The following RBPJ variants were observed in gnomAD, a reference collection of about 807,000 sequenced individuals.
The protein encoded by RBPJ is recombining binding protein suppressor of hairless.
RBPJ carries 9 observed loss-of-function variants against 67.8 expected under a neutral mutation model. That is an observed-to-expected ratio of 0.13 (90% CI 0.08 to 0.23). The LOEUF (loss-of-function observed/expected upper bound fraction) is 0.23, where lower values mean the gene tolerates loss of function less well. RBPJ is among the 10% of genes least tolerant of loss of function. The probability of loss-of-function intolerance (pLI) is 1.00; values close to 1 mark genes in which losing one functional copy is unlikely to be tolerated. For missense variants in RBPJ, 305 were observed against 595.6 expected (o/e 0.51, Z 5.08); for synonymous variants, 198 against 203.3 (o/e 0.97, Z 0.22).
chr4:26,310,842 A>C (rs1216970726), intron 1 of RBPJ, among the ~76,000 whole-genome samples: 1 of 151,598 alleles, frequency 6.6e-6, no homozygotes, highest in African/African-American at 2.4e-5. Context: ...GCTAATTTTT[A>C]TATTTTTAGT....
intron 1 of RBPJ, among the ~76,000 whole-genome samples, chr4:26,330,719 A>G (rs1019870373): frequency 2.6e-5 from 4 of 152,178 alleles, no homozygotes; most frequent in Non-Finnish European, 5.9e-5. Flanking sequence ...TTTTGTTGTT[A>G]TGACTGCGTA....
At chr4:26,153,819 G>A in the RBPJ span, among the ~76,000 whole-genome samples, 2 of 152,114 alleles carry the variant, frequency 1.3e-5, no homozygotes, top group Admixed American at 1.3e-4. Context: ...GTCAGGTGTG[G>A]AATTTTCCAC....
chr4:26,195,913 C>G (rs1717744557), intron 1 of RBPJ, among the ~76,000 whole-genome samples: 1 of 151,998 alleles, frequency 6.6e-6, no homozygotes, highest in South Asian at 2.1e-4. Flanking sequence ...GTATTTTGAC[C>G]CACATGACTT....
At chr4:26,411,879 G>A (rs996202203) in intron 3 of RBPJ, among the ~76,000 whole-genome samples, 7 of 151,482 alleles carry the variant, frequency 4.6e-5, no homozygotes, top group East Asian at 1.9e-4. Context: ...AGGCCGAGGC[G>A]GGCGGATCAC....
intron 1 of RBPJ, among the ~76,000 whole-genome samples, chr4:26,379,246 C>T (rs1236950282): frequency 6.6e-6 from 1 of 151,708 alleles, no homozygotes; most frequent in Non-Finnish European, 1.5e-5. Context: ...GTGGTGGGAT[C>T]ATAGCTCACT....
chr4:26,348,419 C>G (rs1163254614), intron 1 of RBPJ, among the ~76,000 whole-genome samples: 1 of 152,134 alleles, frequency 6.6e-6, no homozygotes, highest in Admixed American at 6.5e-5. Flanking sequence ...TATTACTTGT[C>G]TTTGGGATCT....
intron 1 of RBPJ, among the ~76,000 whole-genome samples, chr4:26,255,372 C>G (rs1173699799): frequency 1.9e-5 from 2 of 107,822 alleles, no homozygotes; most frequent in South Asian, 3.2e-4. Context: ...CCACCGCACT[C>G]CAGCCTGGGC....
chr4:26,404,489 C>CT (rs1281845107), intron 2 of RBPJ, among the ~76,000 whole-genome samples: 1 of 142,482 alleles, frequency 7.0e-6, no homozygotes, highest in Non-Finnish European at 1.5e-5. Context: ...TAGTTTGACT[C>CT]TATCATTGTC....
the RBPJ span, among the ~76,000 whole-genome samples, chr4:26,127,604 A>T: frequency 3.3e-5 from 5 of 152,310 alleles, no homozygotes; most frequent in African/African-American, 1.2e-4. Context: ...TATCAGCATA[A>T]AGTGGGTGGA....
intron 3 of RBPJ, among the ~76,000 whole-genome samples, chr4:26,408,617 T>C (rs1733715328): frequency 6.6e-6 from 1 of 152,172 alleles, no homozygotes. Context: ...CAGACATGAT[T>C]CCCAAAGTGC....
chr4:26,385,272 C>T (rs757025147), intron 1 of RBPJ, among the ~76,000 whole-genome samples: 58 of 151,930 alleles, frequency 3.8e-4, no homozygotes, highest in Admixed American at 8.5e-4. Context: ...CTGCCTGCCT[C>T]GGCCTCCCAA....
At chr4:26,166,773 T>A (rs10007850) in intron 1 of RBPJ, among the ~76,000 whole-genome samples, 85,564 of 151,764 alleles carry the variant, frequency 0.56, 24,647 homozygotes, top group African/African-American at 0.67. Flanking sequence ...TTGGTGTTTT[T>A]GACATGAAGT....
intron 1 of RBPJ, among the ~76,000 whole-genome samples, chr4:26,312,041 C>T (rs546743164): frequency 6.0e-4 from 92 of 152,302 alleles, no homozygotes; most frequent in Non-Finnish European, 1.1e-3. Context: ...ACTCATTTAG[C>T]GTCTTAGGGA....
chr4:26,235,670 G>A (rs1182584695), intron 1 of RBPJ, among the ~76,000 whole-genome samples: 1 of 152,198 alleles, frequency 6.6e-6, no homozygotes, highest in Non-Finnish European at 1.5e-5. Context: ...CCCTCTAGCT[G>A]TTCCAGAGCT....
At chr4:26,283,470 G>C (rs1014347794) in intron 1 of RBPJ, among the ~76,000 whole-genome samples, 1 of 150,768 alleles carries the variant, frequency 6.6e-6, no homozygotes, top group Non-Finnish European at 1.5e-5. Context: ...ACTTGAACCC[G>C]GGAGGCGGAG....
chr4:26,133,521 C>T, the RBPJ span, among the ~76,000 whole-genome samples: 1 of 152,178 alleles, frequency 6.6e-6, no homozygotes, highest in Non-Finnish European at 1.5e-5. Context: ...GGTCCATGGC[C>T]TGTTAGAAAC....
chr4:26,187,348 A>G (rs1489502159), intron 1 of RBPJ, among the ~76,000 whole-genome samples: 2 of 152,168 alleles, frequency 1.3e-5, no homozygotes, highest in African/African-American at 4.8e-5. Context: ...ATTTTATTCT[A>G]ATTTTTTTTA....
intron 1 of RBPJ, among the ~76,000 whole-genome samples, chr4:26,263,944 G>A (rs907073128): frequency 2.0e-5 from 3 of 148,216 alleles, no homozygotes; most frequent in Non-Finnish European, 4.5e-5. Flanking sequence ...GTGCGATCTC[G>A]GCTCACTGCA....
intron 1 of RBPJ, among the ~76,000 whole-genome samples, chr4:26,348,411 T>C (rs1726397826): frequency 6.6e-6 from 1 of 152,226 alleles, no homozygotes; most frequent in African/African-American, 2.4e-5. Context: ...GCCAAAGATA[T>C]TACTTGTCTT....
Sources: allele counts gnomAD v4.1 joint callset (sites outside exome capture counted in the v4.1 genomes callset), GRCh38; gene constraint gnomAD v4.1.1; transcripts MANE v1.5; gene names NCBI Gene and HGNC (gene_info 2026-07-23, HGNC 2026-07-21).